The following DMD variants were observed in gnomAD, a reference collection of about 807,000 sequenced individuals.
DMD encodes dystrophin, also known as mutant dystrophin.
Under a neutral mutation model 330.1 loss-of-function variants are expected in DMD, and 63 were observed. That is an observed-to-expected ratio of 0.19 (90% CI 0.16 to 0.24). The LOEUF (loss-of-function observed/expected upper bound fraction) is 0.24. Ranked by LOEUF, DMD falls within the 10% of genes least tolerant of loss-of-function variation. DMD has a pLI of 1.00. For synonymous variants in DMD, 1,223 were observed against 959.8 expected (o/e 1.27, Z -5.07); for missense variants, 3,344 against 2,684.1 (o/e 1.25, Z -5.43).
At position 32,045,581 on chromosome X, in the gene DMD, T is replaced by C. The variant is rs771663389; in HGVS notation, c.6439-77067A>G. Among the ~76,000 whole-genome samples, 165 of 110,907 alleles carry C rather than the reference T, an allele frequency of 1.5e-3. 1 individual carries two copies. Among genetic ancestry groups the C allele is most frequent in the African/African-American group, 5.2e-3 (159 of 30,541 alleles). On this transcript the variant is annotated intron_variant, in intron 44 of 78. Coordinates refer to ENST00000357033, the MANE Select transcript of DMD (RefSeq NM_004006.3). ...GCTATTTCTTCATAGCAATACATGC[T>C]AACACAGACCCACCCTCCCCGTCTG...
At chrX:32,533,935 G>A (rs2047709108) in intron 17 of DMD, among the ~76,000 whole-genome samples, 1 of 111,751 alleles carries the variant, frequency 8.9e-6, no homozygotes, top group African/African-American at 3.3e-5. Context: ...AAAGGATCTA[G>A]TGCAATGTGG....
chrX:32,831,415 C>G (rs1232073134), intron 4 of DMD, among the ~76,000 whole-genome samples: 1 of 110,716 alleles, frequency 9.0e-6, no homozygotes, highest in Admixed American at 9.7e-5. Context: ...AGATTATTGA[C>G]AGGAACAAGT....
intron 44 of DMD, among the ~76,000 whole-genome samples, chrX:32,155,152 C>A (rs1188187845): frequency 1.2e-4 from 13 of 110,173 alleles, no homozygotes; most frequent in Admixed American, 1.2e-3. Context: ...CTTTGATTCC[C>A]AGCTTTTTAT....
chrX:32,905,542 C>A (rs1403135267), intron 2 of DMD, among the ~76,000 whole-genome samples: 1 of 111,545 alleles, frequency 9.0e-6, no homozygotes, highest in African/African-American at 3.3e-5. Context: ...TTTCACTGGC[C>A]ACTCTCTTGT....
rs959664198 is a variant in DMD, at chrX:31,667,914, T to C, written c.7873-9770A>G. 3.6e-5 allele frequency among the ~76,000 whole-genome samples: 4 copies of C among 112,179 alleles called. No individual in the cohort carries two copies. The East Asian group carries it at 1.1e-3, about 31-fold the overall frequency. ...GTAATGTGAAAATTCCAAGCATTCT[T>C]CATCTTCTCAACACTTGTTATTGTC... On this transcript the variant is annotated intron_variant, in intron 53 of 78. Transcript: ENST00000357033.
At chrX:32,515,546 A>G (rs2045772960) in intron 18 of DMD, among the ~76,000 whole-genome samples, 1 of 110,751 alleles carries the variant, frequency 9.0e-6, no homozygotes, top group African/African-American at 3.3e-5. Flanking sequence ...AAAGGAGGCT[A>G]TTTTTTTTGT....
At chrX:32,051,679 A>G (rs1001067329) in intron 44 of DMD, among the ~76,000 whole-genome samples, 1 of 111,073 alleles carries the variant, frequency 9.0e-6, no homozygotes, top group African/African-American at 3.3e-5. Context: ...AAGTGAACTA[A>G]GATAACTAAA....
intron 2 of DMD, among the ~76,000 whole-genome samples, chrX:32,949,431 A>C (rs2146916191): frequency 9.1e-6 from 1 of 110,157 alleles, no homozygotes; most frequent in East Asian, 2.9e-4. Flanking sequence ...GGCATTTGTG[A>C]TCCCCACTGA....
Position 32,515,245 on chromosome X carries a change from A to C in DMD, c.2292+2763T>G, listed in dbSNP as rs147093406. ...AAGCAGAGGAAGTGAAGCAAGGAAA[A>C]GAAAGTGCAATAGAGCAGAGAGAGA... On this transcript the variant is annotated intron_variant, in intron 18 of 78. Coordinates refer to ENST00000357033, the MANE Select transcript of DMD (RefSeq NM_004006.3). Among the ~76,000 whole-genome samples, 108 of 111,713 alleles carry C rather than the reference A, an allele frequency of 9.7e-4. 1 individual carries two copies. Among genetic ancestry groups the C allele is most frequent in the African/African-American group, 3.2e-3 (99 of 30,750 alleles).
At chrX:31,548,114 A>G (rs1405005549) in intron 55 of DMD, among the ~76,000 whole-genome samples, 1 of 111,990 alleles carries the variant, frequency 8.9e-6, no homozygotes, top group Non-Finnish European at 1.9e-5. Context: ...GAGGGAAGGA[A>G]CCAGAGTATT....
At chrX:32,517,803 T>C in intron 18 of DMD, 1 of 457,808 alleles carries the variant, frequency 2.2e-6, no homozygotes, top group Admixed American at 4.0e-5. Context: ...AAGGCATCCC[T>C]AGTCAGTCAC....
intron 1 of DMD, among the ~76,000 whole-genome samples, chrX:33,028,681 C>T (rs2094047976): frequency 8.9e-6 from 1 of 112,177 alleles, no homozygotes; most frequent in Non-Finnish European, 1.9e-5. Flanking sequence ...CACTTATCTC[C>T]CTGGCATAAC....
At chrX:32,859,503 ACACACAC>A (rs2081905152) in intron 2 of DMD, among the ~76,000 whole-genome samples, 2 of 91,583 alleles carry the variant, frequency 2.2e-5, no homozygotes, top group South Asian at 4.5e-4. Context: ...ACACACACAC[ACACACAC>A]AAGTTAAAGT....
At chrX:33,012,538 A>T (rs2093721123) in intron 2 of DMD, among the ~76,000 whole-genome samples, 4 of 111,866 alleles carry the variant, frequency 3.6e-5, no homozygotes, top group Admixed American at 1.9e-4. Context: ...TGTAAAAAAT[A>T]TTAACATTTA....
chrX:31,383,447 C>A (rs766729363), intron 60 of DMD, among the ~76,000 whole-genome samples: 9 of 112,086 alleles, frequency 8.0e-5, no homozygotes, highest in Non-Finnish European at 1.7e-4. Context: ...AGTATTACTT[C>A]TGTTGCTGCT....
intron 52 of DMD, among the ~76,000 whole-genome samples, chrX:31,687,390 T>A (rs2082754138): frequency 1.8e-5 from 2 of 111,284 alleles, no homozygotes; most frequent in African/African-American, 6.5e-5. Flanking sequence ...TGGCCTAGGT[T>A]CTTGGACAGC....
chrX:31,410,474 C>T (rs1218872011), intron 60 of DMD, among the ~76,000 whole-genome samples: 1 of 111,585 alleles, frequency 9.0e-6, no homozygotes, highest in African/African-American at 3.3e-5. Flanking sequence ...TTCTCCATTT[C>T]ACAATGTAGA....
At chrX:31,204,402 G>A (rs2043846381) in intron 66 of DMD, among the ~76,000 whole-genome samples, 1 of 112,659 alleles carries the variant, frequency 8.9e-6, no homozygotes, top group Non-Finnish European at 1.9e-5. Context: ...TTCTAAGCCA[G>A]AACATAATCC....
At chrX:32,782,135 T>G (rs1438487226) in intron 7 of DMD, among the ~76,000 whole-genome samples, 1 of 111,008 alleles carries the variant, frequency 9.0e-6, no homozygotes, top group African/African-American at 3.3e-5. Context: ...TTTCCAAAGA[T>G]AAATTAAAGA....
Sources: gnomAD v4.1 joint callset for allele counts (sites outside exome capture counted in the v4.1 genomes callset) on GRCh38, gnomAD v4.1.1 for gene constraint, MANE v1.5 for transcripts, NCBI Gene and HGNC (gene_info 2026-07-23, HGNC 2026-07-21) for gene names.